The following KCNK9 variants were observed in gnomAD, a reference collection of about 807,000 sequenced individuals.
KCNK9 encodes the protein potassium two pore domain channel subfamily K member 9.
Under a neutral mutation model 10.8 loss-of-function variants are expected in KCNK9, and 1 was observed. The observed-to-expected ratio is 0.09, with a 90% confidence interval of 0.03 to 0.44. The LOEUF is 0.44. KCNK9 is among the 20% of genes least tolerant of loss of function. KCNK9 has a pLI of 0.97. For synonymous variants in KCNK9, 231 were observed against 222.7 expected, an observed-to-expected ratio of 1.04 and a Z score of -0.33; for missense variants, 303 against 515.0, an observed-to-expected ratio of 0.59 and a Z score of 3.98.
At chr8:139,609,082 A>G (rs949794777), downstream of KCNK9, among the ~76,000 whole-genome samples, 1 of 135,040 alleles carries the variant, frequency 7.4e-6, no homozygotes, top group African/African-American at 2.9e-5. Context: ...TCCCTTCCTC[A>G]TGGCAATCTG....
At chr8:139,689,765 C>G (rs949961177) in intron 1 of KCNK9, among the ~76,000 whole-genome samples, 2 of 151,886 alleles carry the variant, frequency 1.3e-5, no homozygotes, top group East Asian at 3.9e-4. Context: ...GCCTCAGCCT[C>G]CCGAATAGCT....
In KCNK9 at chr8:139,687,510, G is replaced by A. The variant is rs377396259; in HGVS notation, c.283+15200C>T. Among the ~76,000 whole-genome samples, 22 of 31,920 alleles carry A rather than the reference G, an allele frequency of 6.9e-4. 3 individuals are homozygous for A. The highest frequency in any genetic ancestry group is 2.0e-3 in the African/African-American group (22 of 11,048). 20.9% of individuals were successfully genotyped at this position (31,920 alleles called of 152,430 possible). A position where few individuals can be genotyped will look rare whatever the true frequency, so the allele number is the denominator to read the frequency against. The stretch of plus-strand genomic sequence containing the variant: ...TATATACACATATATACATATATAT[G>A]TATACACATATATTCATATATATGT... On this transcript the variant is annotated intron_variant, in intron 1 of 1. Transcript: ENST00000520439.
intron 1 of KCNK9, among the ~76,000 whole-genome samples, chr8:139,699,113 CA>C (rs1339436362): frequency 6.6e-6 from 1 of 152,244 alleles, no homozygotes; most frequent in Non-Finnish European, 1.5e-5. Flanking sequence ...TTGTCCTCTA[CA>C]CTCTGCAGAT....
At chr8:139,700,633 G>A (rs1400140947) in intron 1 of KCNK9, among the ~76,000 whole-genome samples, 1 of 152,024 alleles carries the variant, frequency 6.6e-6, no homozygotes, top group Non-Finnish European at 1.5e-5. Context: ...GAAAATCAGC[G>A]AATTCCTCAG....
chr8:139,694,023 C>T (rs1283498019), intron 1 of KCNK9, among the ~76,000 whole-genome samples: 1 of 152,160 alleles, frequency 6.6e-6, no homozygotes, highest in Non-Finnish European at 1.5e-5. Flanking sequence ...AAGCCCCCGG[C>T]TTGACACCAT....
intron 1 of KCNK9, among the ~76,000 whole-genome samples, chr8:139,621,965 G>C (rs1381956719): frequency 6.6e-6 from 1 of 152,208 alleles, no homozygotes; most frequent in Non-Finnish European, 1.5e-5. Flanking sequence ...CATACCAGGT[G>C]CCAGGGTCCC....
At chr8:139,639,911 A>G (rs1017807752) in intron 1 of KCNK9, among the ~76,000 whole-genome samples, 1 of 151,630 alleles carries the variant, frequency 6.6e-6, no homozygotes, top group Admixed American at 6.6e-5. Context: ...TGCGCTAAGG[A>G]CCCTAGCTCT....
intron 1 of KCNK9, among the ~76,000 whole-genome samples, chr8:139,680,438 C>G (rs769826236): frequency 6.6e-6 from 1 of 152,194 alleles, no homozygotes; most frequent in African/African-American, 2.4e-5. Context: ...TCCGGAGGGG[C>G]TATGATCCTG....
chr8:139,692,712 C>T (rs995897830), intron 1 of KCNK9, among the ~76,000 whole-genome samples: 3 of 152,150 alleles, frequency 2.0e-5, no homozygotes, highest in African/African-American at 4.8e-5. Flanking sequence ...TGGGCTGGGC[C>T]CTTCCCTGCA....
At chr8:139,642,525 T>G (rs1421029353) in intron 1 of KCNK9, among the ~76,000 whole-genome samples, 1 of 152,254 alleles carries the variant, frequency 6.6e-6, no homozygotes, top group Non-Finnish European at 1.5e-5. Context: ...CCCTGGAGGC[T>G]GCCCGCAGGA....
chr8:139,617,251 G>A lies in KCNK9; in HGVS notation c.*1007C>T, dbSNP rs1383850898. ...AACACTATAATTCTTATTTATGCAGGGTAGGTGCTGCACAAAATCATCAAT... is the reference window on the plus strand; with the variant it reads ...AACACTATAATTCTTATTTATGCAGAGTAGGTGCTGCACAAAATCATCAAT... On this transcript the variant is annotated 3_prime_UTR_variant, in exon 2 of 2. Coordinates refer to ENST00000520439, the MANE Select transcript of KCNK9 (RefSeq NM_001282534.2). Among the ~76,000 whole-genome samples the A allele has an allele frequency of 6.6e-6, 1 of 152,066 alleles. No homozygotes were observed. Among genetic ancestry groups the A allele is most frequent in the East Asian group, 1.9e-4 (1 of 5,192 alleles).
intron 1 of KCNK9, among the ~76,000 whole-genome samples, chr8:139,668,075 T>A (rs1586677588): frequency 6.6e-6 from 1 of 152,356 alleles, no homozygotes; most frequent in African/African-American, 2.4e-5. Context: ...TCCAACATCA[T>A]GTGCTCACTT....
Position 139,618,993 on chromosome 8 carries a change from C to G in KCNK9, c.390G>C (p.Glu130Asp). The G allele has an allele frequency of 6.2e-7, 1 of 1,614,204 alleles. No individual in the cohort carries two copies. Among genetic ancestry groups the G allele is most frequent in the South Asian group, 1.1e-5 (1 of 91,074 alleles). Reference sequence around the variant, plus strand: ...GGTAGCGCACGAAGGTGTTCATGCGCTCGCCCAGGCTCTGGAACATGACCA... The same window carrying G: ...GGTAGCGCACGAAGGTGTTCATGCGGTCGCCCAGGCTCTGGAACATGACCA... ...LTLVMFQSLG[E>D]RMNTFVRYLL... The change falls in exon 2 of 2, where the codon GAG becomes GAC. Residue 130 changes from glutamate (E) to aspartate (D), a missense_variant. Glu to Asp is a conservative substitution (Grantham distance 45, BLOSUM62 2). This residue lies in a region of KCNK9 where 22 missense variants were observed against 86.5 expected (regional missense o/e 0.25). Coordinates refer to ENST00000520439, the MANE Select transcript of KCNK9 (RefSeq NM_001282534.2). This position sits in a 1 kb window ranked among gnomAD's most constrained non-coding sequence, Gnocchi z 7.9.
intron 1 of KCNK9, among the ~76,000 whole-genome samples, chr8:139,699,857 C>T (rs1456860718): frequency 2.6e-5 from 4 of 152,178 alleles, no homozygotes; most frequent in Admixed American, 6.5e-5. Context: ...CATTCGTGGC[C>T]GCCCAGCACC....
At chr8:139,610,947 T>C (rs1174360196), downstream of KCNK9, among the ~76,000 whole-genome samples, 2 of 152,276 alleles carry the variant, frequency 1.3e-5, no homozygotes, top group Admixed American at 6.5e-5. Flanking sequence ...CCCCTGGGCC[T>C]TGGCCCATGC....
intron 1 of KCNK9, among the ~76,000 whole-genome samples, chr8:139,643,150 C>T (rs1815560990): frequency 6.6e-6 from 1 of 152,178 alleles, no homozygotes; most frequent in Non-Finnish European, 1.5e-5. Context: ...ATTCTCACTC[C>T]CCTGTTCCAT....
At chr8:139,657,068 G>C (rs1163686114) in intron 1 of KCNK9, among the ~76,000 whole-genome samples, 1 of 152,126 alleles carries the variant, frequency 6.6e-6, no homozygotes, top group South Asian at 2.1e-4. Context: ...TCTCCTGCCT[G>C]GTCCACCTGG....
chr8:139,629,189 C>T (rs949296357), intron 1 of KCNK9, among the ~76,000 whole-genome samples: 6 of 152,238 alleles, frequency 3.9e-5, no homozygotes, highest in African/African-American at 1.4e-4. Context: ...ATGTGCTTCT[C>T]CTTTAGTCCC....
chr8:139,616,171 A>T (rs1247452718), downstream of KCNK9: 1 of 152,204 alleles, frequency 6.6e-6, no homozygotes, highest in Non-Finnish European at 1.5e-5. Flanking sequence ...AAAGGTTTTC[A>T]TGAGAACCCC....
Sources: gnomAD v4.1 joint callset for allele counts (sites outside exome capture counted in the v4.1 genomes callset) on GRCh38, gnomAD v4.1.1 for gene constraint, gnomAD v4.1.1 regional missense constraint, Gnocchi (gnomAD v3.1) non-coding constraint, MANE v1.5 for transcripts, NCBI Gene and HGNC (gene_info 2026-07-23, HGNC 2026-07-21) for gene names.